EML6: variants seen among roughly 807,000 people sequenced by gnomAD.
The protein encoded by EML6 is echinoderm microtubule-associated protein-like 6.
Under a neutral mutation model 240.1 loss-of-function variants are expected in EML6, and 154 were observed. The observed-to-expected ratio is 0.64, with a 90% CI of 0.56 to 0.73. EML6 has a LOEUF of 0.73. EML6 is among the 30% of genes least tolerant of loss of function. The pLI is 0.00. For missense variants in EML6, 2,964 were observed against 2,474.6 expected (o/e 1.20, Z -4.20); for synonymous variants, 1,148 against 899.0 (o/e 1.28, Z -4.95).
At chr2:54,961,448 A>G (rs940536822) in intron 35 of EML6, among the ~76,000 whole-genome samples, 8 of 151,538 alleles carry the variant, frequency 5.3e-5, no homozygotes, top group Admixed American at 2.0e-4. Flanking sequence ...CGGCCTCCCA[A>G]AGTGCTGGGA....
At chr2:54,730,457 C>T (rs1395925577) in intron 2 of EML6, among the ~76,000 whole-genome samples, 1 of 152,114 alleles carries the variant, frequency 6.6e-6, no homozygotes, top group Non-Finnish European at 1.5e-5. Context: ...AGAATCAAAT[C>T]CATATTAAGT....
At chr2:54,932,087 A>G (rs1264477763) in intron 28 of EML6, among the ~76,000 whole-genome samples, 2 of 152,242 alleles carry the variant, frequency 1.3e-5, no homozygotes, top group Non-Finnish European at 2.9e-5. Flanking sequence ...ATTCTTCAGA[A>G]GCCATATGAT....
In EML6 at chr2:54,879,557, ATGTC is replaced by A; in HGVS notation, c.2358_2361del (p.Cys786TrpfsTer6). Reference sequence around the variant, plus strand: ...GTTGTTTTCATACAGCCGATGGAAAATGTCTGGTGTCGGTTGGTTTAGACGATTT... The same window carrying A: ...GTTGTTTTCATACAGCCGATGGAAAATGGTGTCGGTTGGTTTAGACGATTT... On this transcript the variant is annotated frameshift_variant, in exon 17 of 42. Transcript: ENST00000356458. LOFTEE classifies it high-confidence loss of function. The A allele has an allele frequency of 6.4e-7, 1 of 1,551,092 alleles. No individual in the cohort carries two copies. The highest frequency in any genetic ancestry group is 8.7e-7 in the Non-Finnish European group (1 of 1,146,380).
intron 10 of EML6, among the ~76,000 whole-genome samples, 188 bp from the exon 11 acceptor site, chr2:54,853,455 G>A (rs1670200477): frequency 1.3e-5 from 2 of 151,254 alleles, no homozygotes; most frequent in South Asian, 2.1e-4. Context: ...TCTTTTTAAT[G>A]TCTGAGTTTT....
intron 30 of EML6, among the ~76,000 whole-genome samples, chr2:54,951,517 C>T (rs1489278197): frequency 6.6e-6 from 1 of 151,168 alleles, no homozygotes; most frequent in Non-Finnish European, 1.5e-5. Flanking sequence ...TGCACTCCAG[C>T]CTGAGCAACA....
intron 2 of EML6, among the ~76,000 whole-genome samples, chr2:54,801,148 G>A (rs555161907): frequency 4.7e-4 from 72 of 151,766 alleles, no homozygotes; most frequent in East Asian, 1.7e-3. Context: ...GTGAAACCCC[G>A]TCTCTACTAA....
intron 19 of EML6, among the ~76,000 whole-genome samples, chr2:54,893,677 C>T (rs1672601336): frequency 6.6e-6 from 1 of 152,198 alleles, no homozygotes; most frequent in Non-Finnish European, 1.5e-5. Flanking sequence ...GGTAGTACCA[C>T]TTCATCTGTG....
intron 17 of EML6, among the ~76,000 whole-genome samples, chr2:54,888,553 A>G (rs72808641): frequency 0.013 from 1,956 of 152,174 alleles, 20 homozygotes; most frequent in Non-Finnish European, 0.021. Flanking sequence ...GGCAACCACT[A>G]ATTTTTTACC....
intron 21 of EML6, among the ~76,000 whole-genome samples, chr2:54,897,713 CT>C (rs1672844638): frequency 6.7e-6 from 1 of 149,642 alleles, no homozygotes. Context: ...TTTTCAGCAT[CT>C]TTTTTTCGTC....
At chr2:54,908,236 G>T (rs1423056038) in intron 24 of EML6, among the ~76,000 whole-genome samples, 1 of 149,818 alleles carries the variant, frequency 6.7e-6, no homozygotes, top group Non-Finnish European at 1.5e-5. Flanking sequence ...TTGAGACAGG[G>T]TCCCACTCTG....
chr2:54,859,178 C>T (rs1670544011), intron 11 of EML6, among the ~76,000 whole-genome samples: 1 of 152,168 alleles, frequency 6.6e-6, no homozygotes, highest in South Asian at 2.1e-4. Flanking sequence ...TTTTCTGTTT[C>T]CCTGTTAAAC....
intron 17 of EML6, among the ~76,000 whole-genome samples, chr2:54,883,378 G>A (rs1161334348): frequency 6.6e-6 from 1 of 151,644 alleles, no homozygotes; most frequent in Non-Finnish European, 1.5e-5. Context: ...ATTTTTTTTG[G>A]AGTTAGTATA....
chr2:54,933,868 G>A (rs189793694), intron 28 of EML6, among the ~76,000 whole-genome samples: 1 of 152,304 alleles, frequency 6.6e-6, no homozygotes, highest in African/African-American at 2.4e-5. Context: ...AGAGTACTAT[G>A]AAATTTTCTC....
chr2:54,848,143 G>T (rs564318087), intron 9 of EML6, among the ~76,000 whole-genome samples: 3 of 152,150 alleles, frequency 2.0e-5, no homozygotes, highest in African/African-American at 7.2e-5. Flanking sequence ...TTTAGTAAAA[G>T]ATTTCTTCTA....
chr2:54,896,885 A>C (rs1672799501), intron 21 of EML6, among the ~76,000 whole-genome samples: 2 of 152,204 alleles, frequency 1.3e-5, no homozygotes. Context: ...GTGTTTTTAA[A>C]AGAAAAAATC....
At chr2:54,834,228 A>G (rs749803327) in intron 7 of EML6, among the ~76,000 whole-genome samples, 4 of 152,180 alleles carry the variant, frequency 2.6e-5, no homozygotes, top group Non-Finnish European at 5.9e-5. Context: ...GCTAATTGTA[A>G]ACTGAAGTCA....
intron 11 of EML6, among the ~76,000 whole-genome samples, chr2:54,855,458 G>GCCCCCCCCCCCCCCCCCCCC (rs11297060): frequency 8.1e-6 from 1 of 124,110 alleles, no homozygotes; most frequent in African/African-American, 3.0e-5. Context: ...CTTCTACCAT[G>GCCCCCCCCCCCCCCCCCCCC]CCCCCCCCCC....
intron 28 of EML6, among the ~76,000 whole-genome samples, chr2:54,932,526 C>G (rs1273929305): frequency 2.0e-5 from 3 of 152,184 alleles, no homozygotes; most frequent in Non-Finnish European, 2.9e-5. Flanking sequence ...ACCTCTTACT[C>G]TCAACTTTTG....
intron 12 of EML6, among the ~76,000 whole-genome samples, chr2:54,861,456 A>T (rs541909382): frequency 6.6e-6 from 1 of 152,308 alleles, no homozygotes; most frequent in South Asian, 2.1e-4. Flanking sequence ...CAGATTCTCT[A>T]CCTGGCTTAG....
Sources: allele counts gnomAD v4.1 joint callset (sites outside exome capture counted in the v4.1 genomes callset), GRCh38; gene constraint gnomAD v4.1.1; transcripts MANE v1.5; gene names NCBI Gene and HGNC (gene_info 2026-07-23, HGNC 2026-07-21).